The following SUMF1 variants were observed in gnomAD, a reference collection of about 807,000 sequenced individuals.
The protein encoded by SUMF1 is sulfatase modifying factor 1, also known as formylglycine-generating enzyme.
A neutral mutation model predicts 47.6 loss-of-function variants in SUMF1; 48 were observed. The ratio of observed to expected loss-of-function variants is 1.01; its 90% confidence interval spans 0.80 to 1.28. SUMF1 has a LOEUF of 1.28. Among genes scored for constraint, SUMF1 ranks in the 50% most tolerant of loss-of-function variants. The pLI, the probability that SUMF1 is intolerant of heterozygous loss-of-function variation, is 0.00. For synonymous variants in SUMF1, 230 were observed against 192.1 expected (o/e 1.20, Z -1.63); for missense variants, 571 against 485.4 (o/e 1.18, Z -1.66).
chr3:4,273,718 A>AGGGGAGGATACGGGAG (rs144856893), intron 8 of SUMF1, among the ~76,000 whole-genome samples: 1 of 47,272 alleles, frequency 2.1e-5, no homozygotes, highest in Admixed American at 2.2e-4. Context: ...AGGATACGGG[A>AGGGGAGGATACGGGAG]GGGAGGATAC....
At chr3:4,307,670 C>G (rs1462706213) in intron 8 of SUMF1, among the ~76,000 whole-genome samples, 1 of 152,146 alleles carries the variant, frequency 6.6e-6, no homozygotes, top group Non-Finnish European at 1.5e-5. Context: ...ATTCCTAGCT[C>G]TTGCATGAGT....
chr3:4,131,909 T>C (rs1041230296), intron 8 of SUMF1, among the ~76,000 whole-genome samples: 1 of 152,080 alleles, frequency 6.6e-6, no homozygotes, highest in Non-Finnish European at 1.5e-5. Context: ...GTGGCAAGGA[T>C]GGAGGTTACA....
intron 8 of SUMF1, among the ~76,000 whole-genome samples, chr3:4,130,603 T>C (rs1693765154): frequency 6.6e-6 from 1 of 152,034 alleles, no homozygotes; most frequent in Non-Finnish European, 1.5e-5. Context: ...CCAACTAAAA[T>C]TCGGGGAACT....
chr3:4,116,131 C>T (rs1025156510), intron 8 of SUMF1, among the ~76,000 whole-genome samples: 2 of 152,042 alleles, frequency 1.3e-5, no homozygotes, highest in Admixed American at 1.3e-4. Context: ...TAACATCATC[C>T]CCAATGTATA....
intron 8 of SUMF1, among the ~76,000 whole-genome samples, chr3:4,156,847 T>C (rs943500603): frequency 2.2e-4 from 33 of 151,714 alleles, no homozygotes; most frequent in Non-Finnish European, 4.1e-4. Context: ...AATAAATTAA[T>C]ACTTTTTTTC....
At chr3:4,252,963 T>C (rs1356167434) in intron 8 of SUMF1, among the ~76,000 whole-genome samples, 3 of 152,212 alleles carry the variant, frequency 2.0e-5, no homozygotes, top group African/African-American at 4.8e-5. Context: ...CAAACCAGCA[T>C]TGGAACATTT....
intron 8 of SUMF1, among the ~76,000 whole-genome samples, chr3:4,198,796 A>G (rs992730883): frequency 6.6e-6 from 1 of 152,060 alleles, no homozygotes; most frequent in Non-Finnish European, 1.5e-5. Context: ...GAGACTCAGC[A>G]TATGCTGTAA....
chr3:4,458,538 A>G (rs1448374917), intron 1 of SUMF1, among the ~76,000 whole-genome samples: 1 of 152,132 alleles, frequency 6.6e-6, no homozygotes, highest in Non-Finnish European at 1.5e-5. Context: ...ATATATATAA[A>G]TGTCAGAATA....
chr3:4,077,438 A>G (rs1047770921), intron 8 of SUMF1, among the ~76,000 whole-genome samples: 2 of 152,148 alleles, frequency 1.3e-5, no homozygotes, highest in Non-Finnish European at 2.9e-5. Context: ...TGGATAAAGA[A>G]AATGTGGCAC....
intron 8 of SUMF1, among the ~76,000 whole-genome samples, chr3:4,371,553 G>A (rs772442986): frequency 2.6e-5 from 4 of 152,282 alleles, no homozygotes; most frequent in Middle Eastern, 3.4e-3. Flanking sequence ...TTTCCCGTCC[G>A]TTGCTCTTGC....
intron 8 of SUMF1, among the ~76,000 whole-genome samples, chr3:4,241,158 G>C (rs1490975948): frequency 1.3e-5 from 2 of 152,138 alleles, no homozygotes; most frequent in African/African-American, 4.8e-5. Context: ...CAGAATTATA[G>C]TCAGGAACCT....
At chr3:4,462,905 G>T (rs921571420) in intron 1 of SUMF1, among the ~76,000 whole-genome samples, 4 of 152,182 alleles carry the variant, frequency 2.6e-5, no homozygotes, top group African/African-American at 9.7e-5. Context: ...TGAGCTATAT[G>T]ATTCCTTTAA....
At chr3:4,466,870 G>C in intron 1 of SUMF1, 106 bp downstream of exon 1, 1 of 1,491,736 alleles carries the variant, frequency 6.7e-7, no homozygotes, top group Non-Finnish European at 9.1e-7. Flanking sequence ...TTTGGGGTGT[G>C]GTTATAACCT....
At chr3:4,172,076 A>G (rs1002447225) in intron 8 of SUMF1, among the ~76,000 whole-genome samples, 10 of 152,180 alleles carry the variant, frequency 6.6e-5, no homozygotes, top group Non-Finnish European at 4.4e-5. Flanking sequence ...TTTCTGTAGG[A>G]AACAGACTTC....
rs149343338 is a variant in SUMF1 at position 4,418,690 on chromosome 3, C to T, written c.603-558G>A. On this transcript the variant is annotated intron_variant, in intron 4 of 8. Coordinates refer to ENST00000272902, the MANE Select transcript of SUMF1 (RefSeq NM_182760.4). ...GCCCCTGCTTTCTACAGGTGTGGGGCCCTAACATTCTGCATCCTAAACTCT... is the reference window on the plus strand; with the variant it reads ...GCCCCTGCTTTCTACAGGTGTGGGGTCCTAACATTCTGCATCCTAAACTCT... 3.8e-3 allele frequency among the ~76,000 whole-genome samples: 582 copies of T among 152,332 alleles called. 2 individuals are homozygous for T. The highest frequency in any genetic ancestry group is 6.6e-3 in the Non-Finnish European group (449 of 68,024).
intron 8 of SUMF1, among the ~76,000 whole-genome samples, chr3:4,141,281 T>A (rs1229549900): frequency 6.6e-6 from 1 of 152,142 alleles, no homozygotes; most frequent in African/African-American, 2.4e-5. Context: ...GCACTGTGCA[T>A]ACTGGAGTTA....
rs182270654 is a variant in SUMF1, at chr3:4,232,458, T to A, written c.1014+143872A>T. 6.6e-5 allele frequency among the ~76,000 whole-genome samples: 10 copies of A among 152,196 alleles called. No individual in the cohort carries two copies. The South Asian group carries it at 8.3e-4, about 13-fold the overall frequency. On this transcript the variant is annotated intron_variant and NMD_transcript_variant, in intron 8 of 12. Coordinates refer to the SUMF1 transcript ENST00000448413. ...CCCCTGTGAGCCAAGAGAAGGAGGCTCTGTGCTCTTCAGATTCCATAGAGA... is the reference window on the plus strand; with the variant it reads ...CCCCTGTGAGCCAAGAGAAGGAGGCACTGTGCTCTTCAGATTCCATAGAGA...
chr3:4,160,126 C>T (rs758584642), intron 8 of SUMF1, among the ~76,000 whole-genome samples: 1 of 152,126 alleles, frequency 6.6e-6, no homozygotes, highest in Non-Finnish European at 1.5e-5. Flanking sequence ...TCTGTTATCA[C>T]TGCTTCAAAT....
chr3:4,035,385 A>G (rs1423633174), intron 9 of SUMF1, among the ~76,000 whole-genome samples: 1 of 152,034 alleles, frequency 6.6e-6, no homozygotes, highest in Non-Finnish European at 1.5e-5. Context: ...TATCACTTCT[A>G]CCTCTGCCTC....
Sources: gnomAD v4.1 joint callset for allele counts (sites outside exome capture counted in the v4.1 genomes callset) on GRCh38, gnomAD v4.1.1 for gene constraint, MANE v1.5 for transcripts, NCBI Gene and HGNC (gene_info 2026-07-23, HGNC 2026-07-21) for gene names.